Variants in TSPAN1 observed in about 807,000 individuals in gnomAD.
TSPAN1 encodes tetraspanin 1, also known as tetraspanin-1.
In TSPAN1, 23 loss-of-function variants were observed where a neutral mutation model predicts 26.9. The observed-to-expected ratio is 0.85, with a 90% CI of 0.62 to 1.21. The LOEUF is 1.21. Among genes scored for constraint, TSPAN1 ranks in the 50% most tolerant of loss-of-function variants. The pLI, the probability that TSPAN1 is intolerant of heterozygous loss-of-function variation, is 0.00. For missense variants in TSPAN1, 283 were observed against 298.4 expected, an observed-to-expected ratio of 0.95 and a Z score of 0.38; for synonymous variants, 115 against 114.8, an observed-to-expected ratio of 1.00 and a Z score of -0.01.
the TSPAN1 span, chr1:46,194,571 G>T: frequency 1.2e-6 from 2 of 1,614,134 alleles, no homozygotes; most frequent in East Asian, 4.5e-5. Context: ...GAGCTCAATG[G>T]CACATCTGTC....
intron 1 of TSPAN1, among the ~76,000 whole-genome samples, chr1:46,176,970 T>G (rs1050537672): frequency 1.3e-5 from 2 of 152,206 alleles, no homozygotes; most frequent in Non-Finnish European, 2.9e-5. Context: ...CCTGAAACCC[T>G]CTGGTCACAA....
the TSPAN1 span, chr1:46,193,165 AG>A: frequency 6.2e-7 from 1 of 1,614,136 alleles, no homozygotes; most frequent in Non-Finnish European, 8.5e-7. Context: ...TTGTATCCTT[AG>A]TACTCACCGG....
intron 1 of TSPAN1, chr1:46,175,886 T>C (rs1657129452): frequency 2.6e-6 from 1 of 381,872 alleles, no homozygotes; most frequent in Non-Finnish European, 4.6e-6. Context: ...TTTTTTTTTT[T>C]TCTTGAGACA....
chr1:46,193,856 T>C, the TSPAN1 span: 2 of 1,614,120 alleles, frequency 1.2e-6, no homozygotes, highest in Non-Finnish European at 1.7e-6. Flanking sequence ...CAGGCTTACC[T>C]GTACAGGTAA....
downstream of TSPAN1, chr1:46,189,957 G>A (rs911220909): frequency 6.2e-7 from 1 of 1,614,176 alleles, no homozygotes; most frequent in Non-Finnish European, 8.5e-7. Context: ...GTCTTCACAA[G>A]GGTTCTTGCT....
At chr1:46,195,528 CT>C in the TSPAN1 span, 18 of 481,358 alleles carry the variant, frequency 3.7e-5, no homozygotes, top group Non-Finnish European at 6.1e-5. Flanking sequence ...ATTTACTTGG[CT>C]GTTTCTGTTG....
chr1:46,186,621 C>T (rs1657432913), downstream of TSPAN1, among the ~76,000 whole-genome samples: 1 of 146,802 alleles, frequency 6.8e-6, no homozygotes, highest in Non-Finnish European at 1.5e-5. Flanking sequence ...TCCTGAGTAG[C>T]TGGGATTACA....
rs138801780 is a variant in TSPAN1, at chr1:46,184,291, T to C, written c.158T>C (p.Phe53Ser). ...CCACTGTCGTCCAGTGCCATGCAGT[T>C]TGTCAACGTGGGCTACTTCCTCATC... is the stretch of plus-strand genomic sequence containing the variant. ...FGPLSSSAMQ[F>S]VNVGYFLIAA... Residue 53 changes from phenylalanine (F) to serine (S), a missense_variant, in exon 4 of 9, where the codon TTT becomes TCT. Transcript: ENST00000372003. The C allele has an allele frequency of 1.8e-5, 29 of 1,614,186 alleles. No homozygotes were observed. The highest frequency in any genetic ancestry group is 1.9e-5 in the Non-Finnish European group (23 of 1,180,036).
At chr1:46,190,849 C>G, downstream of TSPAN1, 1 of 1,431,904 alleles carries the variant, frequency 7.0e-7, no homozygotes, top group Non-Finnish European at 9.9e-7. Context: ...ACTTGCTGAC[C>G]AGCCAGACAT....
chr1:46,193,116 G>C, the TSPAN1 span: 1 of 1,611,964 alleles, frequency 6.2e-7, no homozygotes, highest in East Asian at 2.2e-5. Context: ...AACAGGCCCA[G>C]ACCTTATGCC....
In TSPAN1 at chr1:46,185,631, A is replaced by G. The variant is rs1657414830; in HGVS notation, c.*98A>G. The G allele has an allele frequency of 6.5e-6, 9 of 1,386,578 alleles. No individual in the cohort carries two copies. The highest frequency in any genetic ancestry group is 1.4e-5 in the African/African-American group (1 of 70,712). The allele number at this position is 1,386,578 out of a possible 1,614,324, so 85.9% of individuals were successfully genotyped here. On this transcript the variant is annotated 3_prime_UTR_variant, in exon 9 of 9. Coordinates refer to ENST00000372003, the MANE Select transcript of TSPAN1 (RefSeq NM_005727.4). ...TTGGGGGAGGGGACAGGATCTAACA[A>G]TGTCACTTGGGCCAGAATGGACCTG...
the TSPAN1 span, chr1:46,194,992 C>G: frequency 6.2e-7 from 1 of 1,606,886 alleles, no homozygotes; most frequent in Non-Finnish European, 8.5e-7. Context: ...GTTAGCCTGA[C>G]TGGCATGGTT....
downstream of TSPAN1, among the ~76,000 whole-genome samples, chr1:46,187,399 C>A (rs1481362879): frequency 1.3e-5 from 2 of 152,164 alleles, no homozygotes; most frequent in African/African-American, 4.8e-5. Flanking sequence ...CCAAGCAAAG[C>A]CCAGCCTAAC....
At chr1:46,194,166 G>C in the TSPAN1 span, 35 of 1,598,152 alleles carry the variant, frequency 2.2e-5, no homozygotes, top group Admixed American at 1.0e-4. Context: ...TCCTGCCCCT[G>C]GTTCTCTCCC....
chr1:46,175,403 T>C lies in TSPAN1; in HGVS notation c.-148T>C. 2.6e-6 allele frequency: 1 copy of C among 391,550 alleles called. No homozygotes were observed. Among genetic ancestry groups the C allele is most frequent in the Non-Finnish European group, 4.5e-6 (1 of 222,196 alleles). The allele number at this position is 391,550 out of a possible 1,614,324, so 24.3% of individuals were successfully genotyped here. A position where few individuals can be genotyped will look rare whatever the true frequency, so the allele number is the denominator to read the frequency against. ...GATCCCTGCTGCGGTCACTGAAGCCTTTCCCTGTAAGTATTCAGCCATAAC... is the reference window on the plus strand; with the variant it reads ...GATCCCTGCTGCGGTCACTGAAGCCCTTCCCTGTAAGTATTCAGCCATAAC... On this transcript the variant is annotated 5_prime_UTR_variant, in exon 1 of 9. Transcript: ENST00000372003.
chr1:46,188,812 G>A (rs1657513532), downstream of TSPAN1: 1 of 1,612,894 alleles, frequency 6.2e-7, no homozygotes, highest in East Asian at 2.2e-5. Context: ...TCAGCATGTG[G>A]GCCCCAGCTG....
Position 46,185,306 on chromosome 1 carries a change from G to A in TSPAN1, c.676G>A (p.Glu226Lys), listed in dbSNP as rs371861627. Residue 226 changes from glutamate to lysine, a missense_variant and splice_region_variant, in exon 8 of 9, where the codon GAG becomes AAG. Coordinates refer to ENST00000372003, the MANE Select transcript of TSPAN1 (RefSeq NM_005727.4). ...TGTGGCAGCTGGAATTGGGGGCCTC[G>A]AGGTAAGCAGATGAGGAGGCTGGGA... ...GGVAAGIGGL[E>K]LAAMIVSMYL... The A allele has an allele frequency of 6.8e-6, 11 of 1,614,008 alleles. No individual in the cohort carries two copies. Among genetic ancestry groups the A allele is most frequent in the Middle Eastern group, 1.7e-4 (1 of 5,962 alleles).
chr1:46,176,639 G>A (rs1657177054), intron 1 of TSPAN1, among the ~76,000 whole-genome samples: 1 of 152,238 alleles, frequency 6.6e-6, no homozygotes, highest in Non-Finnish European at 1.5e-5. Context: ...TATTGGGTCT[G>A]GCCTAAAAGC....
chr1:46,195,480 C>T, the TSPAN1 span: 1 of 396,304 alleles, frequency 2.5e-6, no homozygotes, highest in Non-Finnish European at 4.8e-6. Context: ...GCTTTATTTT[C>T]TTCTTTATAC....
Sources: gnomAD v4.1 joint callset for allele counts (sites outside exome capture counted in the v4.1 genomes callset) on GRCh38, gnomAD v4.1.1 for gene constraint, MANE v1.5 for transcripts, NCBI Gene and HGNC (gene_info 2026-07-23, HGNC 2026-07-21) for gene names.